CHCHD3: variants seen among roughly 807,000 people sequenced by gnomAD.
The protein encoded by CHCHD3 is coiled-coil-helix-coiled-coil-helix domain containing 3.
A neutral mutation model predicts 38.2 loss-of-function variants in CHCHD3; 20 were observed. The ratio of observed to expected loss-of-function variants is 0.52; its 90% CI spans 0.37 to 0.76. The LOEUF (loss-of-function observed/expected upper bound fraction) is 0.76. CHCHD3 is among the 30% of genes least tolerant of loss of function. CHCHD3 has a pLI of 0.00. For missense variants in CHCHD3, 245 were observed against 279.2 expected (o/e 0.88, Z 0.87); for synonymous variants, 82 against 100.0 (o/e 0.82, Z 1.07).
intron 4 of CHCHD3, among the ~76,000 whole-genome samples, chr7:132,895,816 G>C (rs1290704372): frequency 6.6e-6 from 1 of 152,158 alleles, no homozygotes; most frequent in African/African-American, 2.4e-5. Flanking sequence ...AAATTACCCA[G>C]TCTCAGGTAT....
At chr7:132,993,540 G>T (rs1812337170) in intron 3 of CHCHD3, among the ~76,000 whole-genome samples, 1 of 152,080 alleles carries the variant, frequency 6.6e-6, no homozygotes, top group Non-Finnish European at 1.5e-5. Context: ...CCCCATAGAT[G>T]ACCCCTTCTT....
At chr7:132,836,065 A>T (rs1388168094) in intron 6 of CHCHD3, among the ~76,000 whole-genome samples, 1 of 151,984 alleles carries the variant, frequency 6.6e-6, no homozygotes, top group Non-Finnish European at 1.5e-5. Context: ...GGTCTGTGGT[A>T]CTTTGCAGTA....
intron 3 of CHCHD3, among the ~76,000 whole-genome samples, chr7:133,014,632 CAAATATATAAAAT>C (rs1812976847): frequency 6.7e-6 from 1 of 148,626 alleles, no homozygotes; most frequent in Non-Finnish European, 1.5e-5. Flanking sequence ...TCAAGCAACA[CAAATATATAAAAT>C]AACAGAATAA....
chr7:132,799,388 C>G (rs962632035), intron 6 of CHCHD3, among the ~76,000 whole-genome samples: 1 of 152,152 alleles, frequency 6.6e-6, no homozygotes, highest in African/African-American at 2.4e-5. Flanking sequence ...GGTAAACCCT[C>G]CATATATTCA....
chr7:132,893,303 G>A (rs749680429), intron 4 of CHCHD3, among the ~76,000 whole-genome samples: 41 of 152,292 alleles, frequency 2.7e-4, no homozygotes, highest in South Asian at 4.2e-4. Flanking sequence ...TCAGACTTGC[G>A]TGGGGCCTGT....
chr7:132,824,787 G>T (rs1291702666), intron 6 of CHCHD3, among the ~76,000 whole-genome samples: 1 of 152,086 alleles, frequency 6.6e-6, no homozygotes, highest in Non-Finnish European at 1.5e-5. Context: ...CCTCTTCATA[G>T]CAAGGCCATT....
intron 4 of CHCHD3, among the ~76,000 whole-genome samples, chr7:132,921,103 T>C (rs1255504963): frequency 6.6e-6 from 1 of 152,168 alleles, no homozygotes; most frequent in Non-Finnish European, 1.5e-5. Flanking sequence ...ACCCATGGAA[T>C]ATCATTAAGT....
At chr7:133,001,455 G>A (rs942033534) in intron 3 of CHCHD3, among the ~76,000 whole-genome samples, 1 of 152,068 alleles carries the variant, frequency 6.6e-6, no homozygotes, top group African/African-American at 2.4e-5. Flanking sequence ...CAACCATTTA[G>A]CACCAATAGC....
At chr7:133,081,779 G>A in intron 1 of CHCHD3, 78 bp downstream of exon 1, 1 of 1,436,192 alleles carries the variant, frequency 7.0e-7, no homozygotes, top group East Asian at 2.5e-5. Flanking sequence ...AGAAACCCAG[G>A]CTGAGCGGGT....
chr7:132,894,664 C>T (rs1352731008), intron 4 of CHCHD3, among the ~76,000 whole-genome samples: 3 of 152,166 alleles, frequency 2.0e-5, no homozygotes, highest in Non-Finnish European at 1.5e-5. Flanking sequence ...GTACTTTCCA[C>T]AAGGAAACAC....
chr7:132,916,004 C>T (rs371037330), intron 4 of CHCHD3, among the ~76,000 whole-genome samples: 108 of 150,818 alleles, frequency 7.2e-4, no homozygotes, highest in South Asian at 4.8e-3. Flanking sequence ...TGGGATCACA[C>T]ACTGCAGAAT....
intron 3 of CHCHD3, among the ~76,000 whole-genome samples, chr7:133,015,059 G>C (rs1562938282): frequency 1.3e-5 from 2 of 152,148 alleles, no homozygotes; most frequent in Admixed American, 6.6e-5. Context: ...GTCAGGTATA[G>C]AGCCAGGCAC....
Position 132,996,721 on chromosome 7 carries a change from G to C in CHCHD3, c.252-21435C>G, listed in dbSNP as rs181666138. Among the ~76,000 whole-genome samples the C allele has an allele frequency of 3.2e-3, 492 of 152,300 alleles. 3 individuals carry two copies. In the South Asian group the frequency reaches 0.037, roughly 11 times the overall value. ...CAGCAACCTAATGTGGAAGAGATAAGCAAAGGGAAGAGGCAGCGGTGCGAT... is the reference window on the plus strand; with the variant it reads ...CAGCAACCTAATGTGGAAGAGATAACCAAAGGGAAGAGGCAGCGGTGCGAT... On this transcript the variant is annotated intron_variant, in intron 3 of 7. Transcript: ENST00000262570.
intron 6 of CHCHD3, among the ~76,000 whole-genome samples, chr7:132,829,696 A>G (rs1192450835): frequency 6.6e-6 from 1 of 152,226 alleles, no homozygotes; most frequent in South Asian, 2.1e-4. Flanking sequence ...CTGCACCATC[A>G]GCAGCTTATT....
chr7:132,942,568 C>T (rs1174456205), intron 4 of CHCHD3, among the ~76,000 whole-genome samples: 3 of 152,068 alleles, frequency 2.0e-5, no homozygotes, highest in Admixed American at 1.3e-4. Flanking sequence ...TTGAATCCTG[C>T]GGCTTTATAC....
At chr7:132,977,963 CT>C (rs2117338318) in intron 3 of CHCHD3, among the ~76,000 whole-genome samples, 1 of 152,246 alleles carries the variant, frequency 6.6e-6, no homozygotes, top group South Asian at 2.1e-4. Context: ...CTTGCCATGA[CT>C]GGTACAGATA....
At chr7:132,954,569 C>T (rs1811113337) in intron 4 of CHCHD3, among the ~76,000 whole-genome samples, 1 of 152,030 alleles carries the variant, frequency 6.6e-6, no homozygotes. Context: ...CAACATGGGG[C>T]CACCACAGCC....
At chr7:132,893,528 G>C (rs1034397074) in intron 4 of CHCHD3, among the ~76,000 whole-genome samples, 2 of 152,206 alleles carry the variant, frequency 1.3e-5, no homozygotes, top group African/African-American at 4.8e-5. Context: ...AGGAAGGCCT[G>C]ATTAATTTTG....
intron 4 of CHCHD3, among the ~76,000 whole-genome samples, chr7:132,925,404 C>T (rs1810350082): frequency 6.6e-6 from 1 of 152,122 alleles, no homozygotes. Flanking sequence ...ATTTCACTAC[C>T]ACTTTCCAGC....
Sources: allele counts gnomAD v4.1 joint callset (sites outside exome capture counted in the v4.1 genomes callset), GRCh38; gene constraint gnomAD v4.1.1; transcripts MANE v1.5; gene names NCBI Gene and HGNC (gene_info 2026-07-23, HGNC 2026-07-21).